The following LRRC37A2 variants were observed in gnomAD, a reference collection of about 807,000 sequenced individuals.
LRRC37A2 encodes leucine-rich repeat-containing protein 37A2.
Under a neutral mutation model 68.8 loss-of-function variants are expected in LRRC37A2, and 9 were observed. That is an observed-to-expected ratio of 0.13 (90% CI 0.08 to 0.23). The LOEUF (loss-of-function observed/expected upper bound fraction) is 0.23, where lower values mean the gene tolerates loss of function less well. LRRC37A2 is among the 10% of genes least tolerant of loss of function. The pLI is 1.00. For missense variants in LRRC37A2, 168 were observed against 950.4 expected (o/e 0.18, Z 10.82); for synonymous variants, 63 against 367.6 (o/e 0.17, Z 9.48).
chr17:46,760,651 GAAAA>G, the LRRC37A2 span, among the ~76,000 whole-genome samples: 2,373 of 137,970 alleles, frequency 0.017, 74 homozygotes, highest in African/African-American at 0.056. Context: ...AAAAAAAAAA[GAAAA>G]AAAAAGGAAA....
the LRRC37A2 span, among the ~76,000 whole-genome samples, chr17:46,927,213 TAA>T: frequency 6.6e-6 from 1 of 152,034 alleles, no homozygotes; most frequent in African/African-American, 2.4e-5. Flanking sequence ...TTTTTTCATT[TAA>T]AAAAAATGCC....
chr17:46,934,888 T>G, the LRRC37A2 span: 62 of 748,844 alleles, frequency 8.3e-5, no homozygotes, highest in African/African-American at 9.0e-4. Flanking sequence ...GCTTTGCTTT[T>G]TCTTATCCAT....
chr17:46,813,207 G>A, the LRRC37A2 span, among the ~76,000 whole-genome samples: 5 of 151,848 alleles, frequency 3.3e-5, no homozygotes, highest in Admixed American at 6.6e-5. Flanking sequence ...TCACAGCAAC[G>A]AGCCCAGAAC....
At chr17:46,902,980 C>G in the LRRC37A2 span, among the ~76,000 whole-genome samples, 17 of 152,160 alleles carry the variant, frequency 1.1e-4, no homozygotes, top group African/African-American at 4.1e-4. Context: ...TCTCCTTTCT[C>G]GAAAAAGGAT....
the LRRC37A2 span, among the ~76,000 whole-genome samples, chr17:46,424,335 TA>T: frequency 9.6e-4 from 108 of 113,054 alleles, 2 homozygotes; most frequent in East Asian, 0.016. Context: ...ATTTTCCTGT[TA>T]TTGATCTAGT....
At chr17:46,941,042 C>A in the LRRC37A2 span, 2 of 1,087,112 alleles carry the variant, frequency 1.8e-6, no homozygotes, top group South Asian at 2.8e-5. Context: ...CGAGCTGATG[C>A]AAGAAACTCC....
chr17:47,028,448 T>G, the LRRC37A2 span: 1 of 839,436 alleles, frequency 1.2e-6, no homozygotes, highest in Non-Finnish European at 2.0e-6. Context: ...ATAAGCCCAT[T>G]ATCAACTCTG....
the LRRC37A2 span, among the ~76,000 whole-genome samples, chr17:46,667,371 C>T: frequency 6.8e-6 from 1 of 146,552 alleles, no homozygotes; most frequent in South Asian, 2.2e-4. Context: ...AAAACACTGT[C>T]CTTTAACCTG....
chr17:46,572,945 G>C, the LRRC37A2 span, among the ~76,000 whole-genome samples: 1 of 109,958 alleles, frequency 9.1e-6, no homozygotes, highest in African/African-American at 3.6e-5. Flanking sequence ...GGGAGGGGAG[G>C]GGAGGGGAGG....
chr17:46,768,836 C>G, the LRRC37A2 span: 10 of 1,603,996 alleles, frequency 6.2e-6, no homozygotes, highest in African/African-American at 1.3e-5. The surrounding 1 kb of genome is among the most constrained non-coding windows in gnomAD (Gnocchi z 5.0). Context: ...AACAGACCGA[C>G]CCCACGAGGG....
At chr17:46,963,543 C>CA in the LRRC37A2 span, among the ~76,000 whole-genome samples, 4,215 of 137,658 alleles carry the variant, frequency 0.031, 192 homozygotes, top group African/African-American at 0.11. Flanking sequence ...GGCTCGGTCT[C>CA]AAAAAAAAAA....
chr17:46,752,004 T>C, the LRRC37A2 span, among the ~76,000 whole-genome samples: 2 of 152,196 alleles, frequency 1.3e-5, no homozygotes, highest in African/African-American at 4.8e-5. Context: ...GAAGGGATGG[T>C]GTTGCACCTC....
chr17:46,876,155 C>T, the LRRC37A2 span: 1 of 1,257,958 alleles, frequency 7.9e-7, no homozygotes, highest in Non-Finnish European at 1.1e-6. Flanking sequence ...ATTCTCCTGC[C>T]TCTGCCCTGC....
the LRRC37A2 span, among the ~76,000 whole-genome samples, chr17:46,804,504 C>A: frequency 1.3e-5 from 2 of 152,172 alleles, no homozygotes; most frequent in Admixed American, 1.3e-4. Context: ...AGACACCAGA[C>A]GGAAGCCTCT....
the LRRC37A2 span, chr17:46,721,473 G>T: frequency 1.4e-6 from 1 of 703,306 alleles, no homozygotes; most frequent in Non-Finnish European, 2.5e-6. Context: ...ATATATGTAT[G>T]TTGATAATTT....
chr17:46,958,409 G>A, the LRRC37A2 span, among the ~76,000 whole-genome samples: 1 of 152,228 alleles, frequency 6.6e-6, no homozygotes, highest in Non-Finnish European at 1.5e-5. Flanking sequence ...GGTGGGAAAC[G>A]TGTGTGGGGG....
At chr17:46,920,101 C>G in the LRRC37A2 span, among the ~76,000 whole-genome samples, 1 of 152,324 alleles carries the variant, frequency 6.6e-6, no homozygotes, top group African/African-American at 2.4e-5. Context: ...CCCTCAGCCT[C>G]AAATGCCCTC....
the LRRC37A2 span, among the ~76,000 whole-genome samples, chr17:46,979,408 G>A: frequency 6.6e-6 from 1 of 152,194 alleles, no homozygotes; most frequent in African/African-American, 2.4e-5. Context: ...GAGGGGGTCG[G>A]GAGATCCGGC....
At chr17:47,002,615 C>G in the LRRC37A2 span, among the ~76,000 whole-genome samples, 1 of 152,272 alleles carries the variant, frequency 6.6e-6, no homozygotes, top group East Asian at 1.9e-4. Flanking sequence ...GTCTCAAACT[C>G]CTGACCTCAG....
Sources: gnomAD v4.1 joint callset for allele counts (sites outside exome capture counted in the v4.1 genomes callset) on GRCh38, gnomAD v4.1.1 for gene constraint, Gnocchi (gnomAD v3.1) non-coding constraint, MANE v1.5 for transcripts, NCBI Gene and HGNC (gene_info 2026-07-23, HGNC 2026-07-21) for gene names.